SUCLG2: variants seen among roughly 807,000 people sequenced by gnomAD.
SUCLG2 encodes succinate-CoA ligase GDP-forming subunit beta.
SUCLG2 carries 42 observed loss-of-function variants against 47.9 expected under a neutral mutation model. The observed-to-expected ratio is 0.88, with a 90% CI of 0.69 to 1.14. SUCLG2 has a LOEUF of 1.14. Ranked by LOEUF, SUCLG2 falls within the 50% of genes most tolerant of loss-of-function variation. SUCLG2 has a pLI of 0.00. For missense variants in SUCLG2, 571 were observed against 525.9 expected (o/e 1.09, Z -0.84); for synonymous variants, 195 against 197.3 (o/e 0.99, Z 0.10).
chr3:67,491,996 G>C (rs1705219323), intron 9 of SUCLG2, among the ~76,000 whole-genome samples: 1 of 152,320 alleles, frequency 6.6e-6, no homozygotes, highest in Non-Finnish European at 1.5e-5. Context: ...AACCCAGGCA[G>C]TCTGGCATAA....
intron 2 of SUCLG2, among the ~76,000 whole-genome samples, chr3:67,576,321 A>G (rs1707740468): frequency 6.6e-6 from 1 of 152,212 alleles, no homozygotes; most frequent in South Asian, 2.1e-4. Flanking sequence ...AGAGAGACAC[A>G]GTATGCCATG....
chr3:67,450,571 G>C (rs1332152332), intron 9 of SUCLG2, among the ~76,000 whole-genome samples: 2 of 152,140 alleles, frequency 1.3e-5, no homozygotes, highest in East Asian at 3.9e-4. Context: ...ACACCTATAT[G>C]CCCATCATCT....
intron 2 of SUCLG2, among the ~76,000 whole-genome samples, chr3:67,551,757 G>A (rs949038349): frequency 1.3e-5 from 2 of 151,996 alleles, no homozygotes; most frequent in African/African-American, 4.8e-5. Context: ...GTGTCTTAAG[G>A]AGACCACATA....
At chr3:67,522,353 G>A (rs919707425) in intron 4 of SUCLG2, among the ~76,000 whole-genome samples, 1 of 151,862 alleles carries the variant, frequency 6.6e-6, no homozygotes, top group African/African-American at 2.4e-5. Flanking sequence ...CCTGCTGACA[G>A]ACATTTACAT....
intron 1 of SUCLG2, among the ~76,000 whole-genome samples, chr3:67,609,898 A>G (rs1249738711): frequency 6.6e-6 from 1 of 152,218 alleles, no homozygotes; most frequent in East Asian, 1.9e-4. Flanking sequence ...TTGATATTGT[A>G]CCACAACTAC....
At chr3:67,388,379 G>A (rs1205655938) in intron 10 of SUCLG2, among the ~76,000 whole-genome samples, 1 of 152,108 alleles carries the variant, frequency 6.6e-6, no homozygotes, top group Non-Finnish European at 1.5e-5. Context: ...GTGGGAATTG[G>A]CATCTTGTGT....
intron 9 of SUCLG2, among the ~76,000 whole-genome samples, chr3:67,483,574 T>C (rs1348103102): frequency 6.6e-6 from 1 of 152,244 alleles, no homozygotes; most frequent in African/African-American, 2.4e-5. Flanking sequence ...TAAACGATTT[T>C]CTATCCTCTT....
intron 2 of SUCLG2, among the ~76,000 whole-genome samples, chr3:67,605,975 G>A (rs1430890229): frequency 6.6e-6 from 1 of 151,988 alleles, no homozygotes; most frequent in Non-Finnish European, 1.5e-5. Flanking sequence ...CACTTTGAGA[G>A]GCTGAGGCAG....
At chr3:67,654,441 G>T (rs1403375084) in intron 1 of SUCLG2, 62 bp downstream of exon 1, 1 of 1,194,278 alleles carries the variant, frequency 8.4e-7, no homozygotes, top group South Asian at 4.2e-5. Context: ...AGCAGGGGGC[G>T]AGGGAAGCCC....
intron 2 of SUCLG2, among the ~76,000 whole-genome samples, chr3:67,554,797 C>A (rs1707112563): frequency 6.6e-6 from 1 of 152,112 alleles, no homozygotes; most frequent in Non-Finnish European, 1.5e-5. Flanking sequence ...AATAAAATCA[C>A]ACGCCCACAA....
At chr3:67,570,641 C>T (rs1262618517) in intron 2 of SUCLG2, among the ~76,000 whole-genome samples, 1 of 152,172 alleles carries the variant, frequency 6.6e-6, no homozygotes, top group Non-Finnish European at 1.5e-5. Context: ...TATAGTGAAG[C>T]TCTCAATAAA....
chr3:67,649,906 T>G (rs532606518), intron 1 of SUCLG2, among the ~76,000 whole-genome samples: 2 of 152,202 alleles, frequency 1.3e-5, no homozygotes, highest in Non-Finnish European at 2.9e-5. Context: ...TTCTGGGCTT[T>G]GCGCCTGCAG....
intron 5 of SUCLG2, among the ~76,000 whole-genome samples, chr3:67,519,060 T>A (rs1706027183): frequency 6.6e-6 from 1 of 151,938 alleles, no homozygotes; most frequent in Non-Finnish European, 1.5e-5. Flanking sequence ...GTTATAAGGT[T>A]GAGAAAAAAA....
chr3:67,597,803 T>C (rs549992107), intron 2 of SUCLG2, among the ~76,000 whole-genome samples: 1 of 151,646 alleles, frequency 6.6e-6, no homozygotes, highest in Non-Finnish European at 1.5e-5. Context: ...CCAGGCACGG[T>C]GGCGGGTGCC....
intron 9 of SUCLG2, among the ~76,000 whole-genome samples, chr3:67,452,697 A>T (rs1704084551): frequency 6.6e-6 from 1 of 152,270 alleles, no homozygotes; most frequent in African/African-American, 2.4e-5. Context: ...GCATCTAGCA[A>T]GTAGATTACT....
chr3:67,528,811 G>A (rs1048068724), intron 3 of SUCLG2, among the ~76,000 whole-genome samples: 1 of 152,148 alleles, frequency 6.6e-6, no homozygotes, highest in African/African-American at 2.4e-5. Context: ...ATTTCAGTTG[G>A]AAGTGGTATC....
intron 9 of SUCLG2, among the ~76,000 whole-genome samples, chr3:67,440,668 CCA>C (rs1453167723): frequency 1.3e-5 from 2 of 152,108 alleles, no homozygotes; most frequent in Admixed American, 1.3e-4. Context: ...CAAATCAAAA[CCA>C]CAGTGAAATA....
chr3:67,385,860 A>T (rs140171843), intron 10 of SUCLG2, among the ~76,000 whole-genome samples: 8 of 152,198 alleles, frequency 5.3e-5, no homozygotes, highest in African/African-American at 1.9e-4. Context: ...CCTAACCCCA[A>T]GGCTTGGCTG....
Position 67,538,196 on chromosome 3 carries a change from G to A in SUCLG2, c.227-9010C>T, listed in dbSNP as rs187498568. 1.7e-3 allele frequency among the ~76,000 whole-genome samples: 255 copies of A among 152,186 alleles called. 4 individuals carry two copies. The highest frequency in any genetic ancestry group is 0.014 in the Admixed American group (221 of 15,286). On this transcript the variant is annotated intron_variant, in intron 2 of 10. Transcript: ENST00000307227. ...TAGGCTTTCTTGTAGGGTTTTGATCGTTTTAGGTCTTATGTTTAAGTCTTT... is the reference window on the plus strand; with the variant it reads ...TAGGCTTTCTTGTAGGGTTTTGATCATTTTAGGTCTTATGTTTAAGTCTTT...
Sources: gnomAD v4.1 joint callset for allele counts (sites outside exome capture counted in the v4.1 genomes callset) on GRCh38, gnomAD v4.1.1 for gene constraint, MANE v1.5 for transcripts, NCBI Gene and HGNC (gene_info 2026-07-23, HGNC 2026-07-21) for gene names.